TEX2: variants seen among roughly 807,000 people sequenced by gnomAD.
The protein encoded by TEX2 is testis expressed 2.
A neutral mutation model predicts 106.9 loss-of-function variants in TEX2; 53 were observed. That is an observed-to-expected ratio of 0.50 (90% CI 0.40 to 0.62). The LOEUF (loss-of-function observed/expected upper bound fraction) is 0.62, where lower values mean the gene tolerates loss of function less well. Among genes scored for constraint, TEX2 ranks in the 20% least tolerant of loss-of-function variants. The pLI is 0.00. For missense variants in TEX2, 1,207 were observed against 1,379.0 expected, an observed-to-expected ratio of 0.88 and a Z score of 1.98; for synonymous variants, 523 against 534.8, an observed-to-expected ratio of 0.98 and a Z score of 0.30.
chr17:64,174,991 C>G (rs1026248872), intron 6 of TEX2, among the ~76,000 whole-genome samples: 1 of 152,206 alleles, frequency 6.6e-6, no homozygotes, highest in Non-Finnish European at 1.5e-5. Context: ...CCAGGGAAAC[C>G]AGGGGATCAG....
chr17:64,187,903 A>G (rs2032137390), intron 5 of TEX2, among the ~76,000 whole-genome samples: 1 of 152,220 alleles, frequency 6.6e-6, no homozygotes, highest in South Asian at 2.1e-4. Context: ...ATTAAAAATA[A>G]ATAAATACAT....
At position 64,214,148 on chromosome 17, in the gene TEX2, G is replaced by A. The variant is rs2033117487; in HGVS notation, c.70C>T (p.His24Tyr). ...DMPKPSAPKV[H>Y]VQRSVSRDTI... is the part of the protein sequence containing the mutation. ...TCTCGGGACACGGACCTCTGCACGT[G>A]CACTTTAGGGGCTGATGGTTTTGGC... The change falls in exon 2 of 12, where the codon CAC becomes TAC. Residue 24 changes from histidine (H) to tyrosine (Y), a missense_variant. Physicochemically the swap from His to Tyr is moderately conservative, Grantham distance 83. Coordinates refer to ENST00000584379, the MANE Select transcript of TEX2 (RefSeq NM_001288732.2). 3 of 1,614,178 alleles carry A rather than the reference G, an allele frequency of 1.9e-6. No individual in the cohort carries two copies. Among genetic ancestry groups the A allele is most frequent in the Non-Finnish European group, 2.5e-6 (3 of 1,180,038 alleles).
intron 2 of TEX2, among the ~76,000 whole-genome samples, chr17:64,211,932 A>G (rs2033013564): frequency 6.6e-6 from 1 of 152,232 alleles, no homozygotes; most frequent in South Asian, 2.1e-4. Flanking sequence ...GGATCACTTG[A>G]GCCCAGAAGT....
At chr17:64,256,458 T>A (rs752889669) in intron 1 of TEX2, among the ~76,000 whole-genome samples, 1 of 152,104 alleles carries the variant, frequency 6.6e-6, no homozygotes. Flanking sequence ...GAGCCTGCCC[T>A]TCCCATATTC....
At chr17:64,210,549 ATTTCCT>A (rs1555631367) in intron 2 of TEX2, among the ~76,000 whole-genome samples, 2 of 148,340 alleles carry the variant, frequency 1.3e-5, no homozygotes, top group East Asian at 3.9e-4. Context: ...TTAACCATGT[ATTTCCT>A]TTGAACAAGG....
chr17:64,211,745 A>C (rs2033007700), intron 2 of TEX2, among the ~76,000 whole-genome samples: 2 of 152,226 alleles, frequency 1.3e-5, no homozygotes, highest in Admixed American at 1.3e-4. Context: ...GATACTGTAC[A>C]TAAATGTGTG....
intron 1 of TEX2, among the ~76,000 whole-genome samples, chr17:64,216,068 T>C (rs1230682000): frequency 3.9e-5 from 6 of 152,228 alleles, no homozygotes; most frequent in Non-Finnish European, 8.8e-5. Flanking sequence ...CACACAGTTC[T>C]GTCCAGGCTC....
chr17:64,156,894 A>C (rs2030653562), intron 8 of TEX2, among the ~76,000 whole-genome samples: 1 of 152,238 alleles, frequency 6.6e-6, no homozygotes, highest in South Asian at 2.1e-4. Flanking sequence ...CCTGGGCAGA[A>C]GATGCCAGAG....
At chr17:64,176,858 G>C (rs913153643) in intron 6 of TEX2, among the ~76,000 whole-genome samples, 5 of 152,202 alleles carry the variant, frequency 3.3e-5, no homozygotes, top group African/African-American at 4.8e-5. Flanking sequence ...AGTATACTAA[G>C]AGGCCTTAAG....
chr17:64,215,925 G>GGT (rs377237109), intron 1 of TEX2, among the ~76,000 whole-genome samples: 8 of 152,294 alleles, frequency 5.3e-5, no homozygotes, highest in African/African-American at 1.9e-4. Context: ...AGTGATCCTG[G>GGT]ATCACTAGAA....
In TEX2 at chr17:64,205,132, T is replaced by G. The variant is rs2032788468; in HGVS notation, c.1644+7442A>C. Among the ~76,000 whole-genome samples the G allele has an allele frequency of 6.6e-6, 1 of 152,136 alleles. No individual in the cohort carries two copies. Reference sequence around the variant, plus strand: ...CTTCAACACAAGGGGTACCTTCTGGTAAGTGAGGGCTGCCTGCATCAAAAC... The same window carrying G: ...CTTCAACACAAGGGGTACCTTCTGGGAAGTGAGGGCTGCCTGCATCAAAAC... On this transcript the variant is annotated intron_variant, in intron 2 of 11. Transcript: ENST00000584379. The surrounding 1 kb of genome is among the most constrained non-coding windows in gnomAD (Gnocchi z 4.0).
chr17:64,184,933 T>C (rs180741281), intron 5 of TEX2, among the ~76,000 whole-genome samples: 1 of 152,336 alleles, frequency 6.6e-6, no homozygotes, highest in African/African-American at 2.4e-5. Flanking sequence ...TTTTTTAACT[T>C]AGTGCAACAA....
rs1555631717 is a variant in TEX2 at position 64,212,670 on chromosome 17, A to G, written c.1548T>C (p.Phe516=). The G allele has an allele frequency of 1.2e-6, 2 of 1,614,072 alleles. No homozygotes were observed. Among genetic ancestry groups the G allele is most frequent in the African/African-American group, 2.7e-5 (2 of 74,904 alleles). ...GATATTTATGAGCACTTGGTGGTGT[A>G]AAAAACCAAATCACGCAAACTGCAG... is the stretch of plus-strand genomic sequence containing the variant. The part of the protein sequence containing the change: ...FMTAVCVIWF[F]TPPSAHKYHK... Residue 516 remains phenylalanine (F), a synonymous_variant, in exon 2 of 12, where the codon TTT becomes TTC. Coordinates refer to ENST00000584379, the MANE Select transcript of TEX2 (RefSeq NM_001288732.2).
chr17:64,206,240 AG>A (rs1267557246), intron 2 of TEX2, among the ~76,000 whole-genome samples: 1 of 152,188 alleles, frequency 6.6e-6, no homozygotes, highest in Non-Finnish European at 1.5e-5. Context: ...GCTACCACAC[AG>A]GGGGTGTCAC....
Position 64,193,839 on chromosome 17 carries a change from CT to C in TEX2, c.1895del (p.Lys632SerfsTer79). ...GACCAAGCTCGATACAAATGGGGTA[CT>C]TTTTATTCCAGATTCGCTTTCGAGC... The part of the protein sequence containing the change: ...TLARKRIWNK[K>X]YPICIELGQQ... On this transcript the variant is annotated frameshift_variant, in exon 4 of 12. Coordinates refer to ENST00000584379, the MANE Select transcript of TEX2 (RefSeq NM_001288732.2). LOFTEE classifies it high-confidence loss of function. The C allele has an allele frequency of 6.3e-7, 1 of 1,576,164 alleles. No homozygotes were observed. Among genetic ancestry groups the C allele is most frequent in the Non-Finnish European group, 8.6e-7 (1 of 1,156,968 alleles).
chr17:64,251,317 A>G (rs531766226), intron 1 of TEX2, among the ~76,000 whole-genome samples: 2 of 152,202 alleles, frequency 1.3e-5, no homozygotes, highest in Non-Finnish European at 2.9e-5. Flanking sequence ...CTACTAAGTC[A>G]CACAGGTCTC....
intron 5 of TEX2, among the ~76,000 whole-genome samples, chr17:64,187,591 T>A (rs919193427): frequency 4.6e-5 from 7 of 152,248 alleles, no homozygotes; most frequent in Admixed American, 2.0e-4. Flanking sequence ...TCAGTCAACA[T>A]CATACCCTGC....
At chr17:64,155,154 C>T (rs1054263318) in intron 8 of TEX2, 187 bp from the exon 9 acceptor site, 5 of 621,504 alleles carry the variant, frequency 8.0e-6, no homozygotes, top group African/African-American at 1.9e-5. Context: ...CTTGGATCAG[C>T]GCAGATGCTC....
At chr17:64,244,353 C>A (rs2033948751) in intron 1 of TEX2, among the ~76,000 whole-genome samples, 1 of 152,172 alleles carries the variant, frequency 6.6e-6, no homozygotes, top group African/African-American at 2.4e-5. Flanking sequence ...CCCCTGACGT[C>A]TAGACAGCAG....
Sources: allele counts gnomAD v4.1 joint callset (sites outside exome capture counted in the v4.1 genomes callset), GRCh38; gene constraint gnomAD v4.1.1; non-coding constraint Gnocchi (gnomAD v3.1); transcripts MANE v1.5; gene names NCBI Gene and HGNC (gene_info 2026-07-23, HGNC 2026-07-21).